SLC38A10: variants seen among roughly 807,000 people sequenced by gnomAD.
SLC38A10 encodes Sodium-coupled neutral amino acid transporter 10.
Under a neutral mutation model 81.0 loss-of-function variants are expected in SLC38A10, and 53 were observed. The observed-to-expected ratio is 0.65, with a 90% confidence interval of 0.53 to 0.82. The LOEUF (loss-of-function observed/expected upper bound fraction) is 0.82. Among genes scored for constraint, SLC38A10 ranks in the 40% least tolerant of loss-of-function variants. The probability of loss-of-function intolerance (pLI) is 0.00; values close to 1 mark genes in which losing one functional copy is unlikely to be tolerated. For missense variants in SLC38A10, 1,471 were observed against 1,545.0 expected (o/e 0.95, Z 0.80); for synonymous variants, 665 against 655.3 (o/e 1.01, Z -0.23).
intron 11 of SLC38A10, among the ~76,000 whole-genome samples, chr17:81,254,145 G>A (rs986487517): frequency 2.6e-5 from 4 of 151,740 alleles, no homozygotes; most frequent in Non-Finnish European, 2.9e-5. Flanking sequence ...TGAGACAGGC[G>A]CTGCAGCCGA....
At chr17:81,252,821 C>A in intron 12 of SLC38A10, 138 bp from the exon 13 acceptor site, 1 of 1,355,324 alleles carries the variant, frequency 7.4e-7, no homozygotes, top group East Asian at 2.5e-5. Flanking sequence ...CCCCTGCCGG[C>A]CTCCCTGCTG....
chr17:81,271,735 A>C (rs1258682835), intron 9 of SLC38A10, among the ~76,000 whole-genome samples: 4 of 149,666 alleles, frequency 2.7e-5, no homozygotes, highest in African/African-American at 9.8e-5. Flanking sequence ...CTGCTGTTCC[A>C]TCAAGCTGAC....
At chr17:81,294,437 T>C (rs903473932) in intron 1 of SLC38A10, among the ~76,000 whole-genome samples, 4 of 151,898 alleles carry the variant, frequency 2.6e-5, no homozygotes, top group Admixed American at 2.6e-4. Context: ...CTGGGAGTGG[T>C]GAGTTGTGTG....
intron 15 of SLC38A10, 40 bp downstream of exon 15, chr17:81,246,845 T>G: frequency 6.4e-7 from 1 of 1,550,524 alleles, no homozygotes; most frequent in Non-Finnish European, 8.7e-7. Flanking sequence ...GGAGACCCCC[T>G]GCCTGGCCCC....
chr17:81,247,103 A>G (rs2062859574), intron 14 of SLC38A10, 42 bp from the exon 15 acceptor site: 2 of 1,542,456 alleles, frequency 1.3e-6, no homozygotes, highest in Middle Eastern at 2.0e-4. Context: ...CGGGCTGCTC[A>G]TGCACCGTGC....
chr17:81,287,991 A>G (rs2063281508), intron 2 of SLC38A10, among the ~76,000 whole-genome samples: 1 of 152,240 alleles, frequency 6.6e-6, no homozygotes, highest in African/African-American at 2.4e-5. Flanking sequence ...TCCGGTAGGC[A>G]TCTTTCAGCC....
At chr17:81,260,467 T>C (rs1267464373) in intron 10 of SLC38A10, 73 bp from the exon 11 acceptor site, 7 of 1,504,524 alleles carry the variant, frequency 4.7e-6, no homozygotes, top group Non-Finnish European at 6.2e-6. Context: ...AAAACTGGCC[T>C]GGCAGAGAGG....
At chr17:81,280,830 G>GTGCA in intron 5 of SLC38A10, 97 bp from the exon 6 acceptor site, 1 of 1,468,484 alleles carries the variant, frequency 6.8e-7, no homozygotes, top group East Asian at 2.4e-5. Flanking sequence ...TGGCAGGAGA[G>GTGCA]TGCAGCTCTT....
Position 81,260,275 on chromosome 17 carries a change from G to A in SLC38A10, c.1251C>T (p.Ala417=), listed in dbSNP as rs770688025. 3.7e-5 allele frequency: 59 copies of A among 1,605,820 alleles called. No individual in the cohort carries two copies. The highest frequency in any genetic ancestry group is 1.6e-4 in the Middle Eastern group (1 of 6,072). The change falls in exon 11 of 16, where the codon GCC becomes GCT. Residue 417 remains alanine (A), a synonymous_variant. Coordinates refer to ENST00000374759, the MANE Select transcript of SLC38A10 (RefSeq NM_001037984.3). The part of the protein sequence containing the change: ...EEAPGGRLGE[A]EGLMKVEAAR... ...CTGCCTCCACCTTCATCAAACCCTCGGCCTCTCCAAGCCGGCCGCCAGGGG... is the reference window on the plus strand; with the variant it reads ...CTGCCTCCACCTTCATCAAACCCTCAGCCTCTCCAAGCCGGCCGCCAGGGG...
chr17:81,257,878 G>A (rs191677180), intron 11 of SLC38A10, among the ~76,000 whole-genome samples: 7 of 152,390 alleles, frequency 4.6e-5, no homozygotes, highest in East Asian at 1.9e-4. Context: ...AGGGAGGGGC[G>A]TGCAGGCACC....
Position 81,247,027 on chromosome 17 carries a change from G to C in SLC38A10, c.2100C>G (p.Val700=). The C allele has an allele frequency of 6.3e-7, 1 of 1,599,918 alleles. No homozygotes were observed. Among genetic ancestry groups the C allele is most frequent in the Non-Finnish European group, 8.5e-7 (1 of 1,176,862 alleles). The change falls in exon 15 of 16, where the codon GTC becomes GTG. Residue 700 remains valine (V), a synonymous_variant. Transcript: ENST00000374759. ...AGRAEMLDHA[V]LLQVIKEQQV... ...GCTGTTCTTTGATCACCTGAAGCAGGACGGCGTGGTCCAGCATCTCCGCCC... is the reference window on the plus strand; with the variant it reads ...GCTGTTCTTTGATCACCTGAAGCAGCACGGCGTGGTCCAGCATCTCCGCCC...
At chr17:81,255,452 T>C (rs965395741) in intron 11 of SLC38A10, among the ~76,000 whole-genome samples, 1 of 152,200 alleles carries the variant, frequency 6.6e-6, no homozygotes, top group African/African-American at 2.4e-5. Context: ...ACTCTCAACA[T>C]GAACACAGGT....
At position 81,283,836 on chromosome 17, in the gene SLC38A10, C is replaced by T. The variant is rs1486173281; in HGVS notation, c.264-334G>A. 6.6e-6 allele frequency among the ~76,000 whole-genome samples: 1 copy of T among 151,476 alleles called. No individual in the cohort carries two copies. Among genetic ancestry groups the T allele is most frequent in the African/African-American group, 2.4e-5 (1 of 41,328 alleles). ...GTGTTAGCCAGGATGGTCTCGATCT[C>T]CTGACCTCTGTGATCCGCCTGCCTC... is the stretch of plus-strand genomic sequence containing the variant. On this transcript the variant is annotated intron_variant, in intron 3 of 15. Transcript: ENST00000374759. This position sits in a 1 kb window ranked among gnomAD's most constrained non-coding sequence, Gnocchi z 4.7.
chr17:81,267,758 G>A (rs2146919482), intron 10 of SLC38A10, among the ~76,000 whole-genome samples: 1 of 152,106 alleles, frequency 6.6e-6, no homozygotes, highest in Middle Eastern at 3.4e-3. Context: ...CCCAACCAAA[G>A]ACACTGGTAA....
chr17:81,246,700 A>T, intron 15 of SLC38A10, 27 bp from the exon 16 acceptor site: 4 of 1,502,648 alleles, frequency 2.7e-6, no homozygotes, highest in Non-Finnish European at 3.5e-6. Flanking sequence ...TCATCAATTT[A>T]GCCACAGCAC....
intron 5 of SLC38A10, 116 bp downstream of exon 5, chr17:81,282,073 T>C: frequency 7.0e-7 from 1 of 1,431,828 alleles, no homozygotes; most frequent in South Asian, 1.2e-5. Flanking sequence ...TTCCAACACA[T>C]TCCCAGGAGG....
chr17:81,276,090 A>G lies in SLC38A10; in HGVS notation c.791T>C (p.Phe264Ser). 1 of 1,613,958 alleles carries G rather than the reference A, an allele frequency of 6.2e-7. No homozygotes were observed. The highest frequency in any genetic ancestry group is 8.5e-7 in the Non-Finnish European group (1 of 1,179,994). Residue 264 changes from phenylalanine to serine, a missense_variant, in exon 8 of 16, where the codon TTT becomes TCT. Physicochemically the swap from Phe to Ser is radical, Grantham distance 155. Coordinates refer to ENST00000374759, the MANE Select transcript of SLC38A10 (RefSeq NM_001037984.3). The surrounding 1 kb of genome is among the most constrained non-coding windows in gnomAD (Gnocchi z 4.7). ...CATCTCCGTCACCAGGTTGGAGGGA[A>G]AGTGCATGAGCACGTTGCCGGCCGT... ...EATAGNVLMHFPSNLVTEMLR... is the reference protein window; with the variant it reads ...EATAGNVLMHSPSNLVTEMLR...
Position 81,253,757 on chromosome 17 carries a change from T to C in SLC38A10, c.1289-517A>G, listed in dbSNP as rs1484536650. Among the ~76,000 whole-genome samples the C allele has an allele frequency of 1.1e-5, 1 of 91,606 alleles. No individual in the cohort carries two copies. The highest frequency in any genetic ancestry group is 2.4e-5 in the Non-Finnish European group (1 of 41,412). 60.1% of individuals were successfully genotyped at this position (91,606 alleles called of 152,430 possible). A position where few individuals can be genotyped will look rare whatever the true frequency, so the allele number is the denominator to read the frequency against. ...ATCCCTACCACCATCACCATCATCA[T>C]CACCGTCACCATCATCACCATCTCC... On this transcript the variant is annotated intron_variant, in intron 11 of 15. Coordinates refer to ENST00000374759, the MANE Select transcript of SLC38A10 (RefSeq NM_001037984.3). This position sits in a 1 kb window ranked among gnomAD's most constrained non-coding sequence, Gnocchi z 4.1.
rs529653013 is a variant in SLC38A10, at chr17:81,283,682, C to T, written c.264-180G>A. ...AGGCTGGAGTGCAATGGTGAGATCT[C>T]GGCTCACTGCAAGCTCCGCCTCCCA... On this transcript the variant is annotated intron_variant, in intron 3 of 15. Transcript: ENST00000374759. This position sits in a 1 kb window ranked among gnomAD's most constrained non-coding sequence, Gnocchi z 4.7. Among the ~76,000 whole-genome samples, 2 of 149,478 alleles carry T rather than the reference C, an allele frequency of 1.3e-5. No homozygotes were observed. Among genetic ancestry groups the T allele is most frequent in the South Asian group, 2.1e-4 (1 of 4,704 alleles).
Sources: allele counts gnomAD v4.1 joint callset (sites outside exome capture counted in the v4.1 genomes callset), GRCh38; gene constraint gnomAD v4.1.1; non-coding constraint Gnocchi (gnomAD v3.1); transcripts MANE v1.5; gene names NCBI Gene and HGNC (gene_info 2026-07-23, HGNC 2026-07-21).